Variants in NEO1 observed in about 807,000 individuals in gnomAD.
The protein encoded by NEO1 is neogenin.
NEO1 carries 63 observed loss-of-function variants against 159.7 expected under a neutral mutation model. The observed-to-expected ratio is 0.39, with a 90% CI of 0.32 to 0.49. NEO1 has a LOEUF of 0.49. Ranked by LOEUF, NEO1 falls within the 20% of genes least tolerant of loss-of-function variation. The pLI, the probability that NEO1 is intolerant of heterozygous loss-of-function variation, is 0.85. For synonymous variants in NEO1, 633 were observed against 662.0 expected (o/e 0.96, Z 0.67); for missense variants, 1,615 against 1,831.0 (o/e 0.88, Z 2.15).
chr15:73,068,356 T>A (rs2068343952), intron 1 of NEO1, among the ~76,000 whole-genome samples: 1 of 141,828 alleles, frequency 7.1e-6, no homozygotes, highest in Non-Finnish European at 1.6e-5. Context: ...GGATTACAGG[T>A]GTGCACAACC....
rs775343460 is a variant in NEO1 at position 73,249,532 on chromosome 15, C to T, written c.1756-51C>T. On this transcript the variant is annotated intron_variant, in intron 10 of 28. Transcript: ENST00000261908. ...GTGTAGCTAATTCTTTAATTTTCAA[C>T]TTTTCTTTTGGCTTGAGTGCATATG... 1.2e-5 allele frequency: 18 copies of T among 1,516,142 alleles called. 1 individual carries two copies. The South Asian group carries it at 2.3e-4, about 19-fold the overall frequency. The allele number at this position is 1,516,142 out of a possible 1,614,324, so 93.9% of individuals were successfully genotyped here. A position where few individuals can be genotyped will look rare whatever the true frequency, so the allele number is the denominator to read the frequency against.
chr15:73,177,296 A>G (rs1051871164), intron 6 of NEO1, among the ~76,000 whole-genome samples: 1 of 152,144 alleles, frequency 6.6e-6, no homozygotes, highest in African/African-American at 2.4e-5. Context: ...TCTATACATG[A>G]CATTCATAAA....
rs1223952161 is a variant in NEO1 at position 73,207,952 on chromosome 15, C to T, written c.1292-28395C>T. 3.9e-5 allele frequency among the ~76,000 whole-genome samples: 6 copies of T among 152,244 alleles called. No individual in the cohort carries two copies. In the East Asian group the frequency reaches 1.2e-3, roughly 29 times the overall value. ...AGTTTTAGAACTAATTAGATAGAGGCTTCTCATTATACTTACGTCAATAAA... is the reference window on the plus strand; with the variant it reads ...AGTTTTAGAACTAATTAGATAGAGGTTTCTCATTATACTTACGTCAATAAA... On this transcript the variant is annotated intron_variant, in intron 7 of 28. Coordinates refer to ENST00000261908, the MANE Select transcript of NEO1 (RefSeq NM_002499.4).
At chr15:73,073,731 G>A (rs1447223315) in intron 1 of NEO1, among the ~76,000 whole-genome samples, 1 of 152,108 alleles carries the variant, frequency 6.6e-6, no homozygotes, top group Admixed American at 6.6e-5. Flanking sequence ...GCAGGAAATG[G>A]TTTTCAGGAG....
chr15:73,292,733 C>T (rs2042206101), intron 25 of NEO1, among the ~76,000 whole-genome samples: 2 of 152,198 alleles, frequency 1.3e-5, no homozygotes, highest in African/African-American at 4.8e-5. Context: ...AGACTGGAAG[C>T]AGTAAAAGAT....
intron 1 of NEO1, among the ~76,000 whole-genome samples, chr15:73,099,384 A>G (rs1429106066): frequency 2.6e-5 from 4 of 152,220 alleles, no homozygotes; most frequent in Non-Finnish European, 5.9e-5. Context: ...GCACAGTTGA[A>G]TAGAAGAATT....
At chr15:73,239,261 T>G (rs2039367276) in intron 8 of NEO1, among the ~76,000 whole-genome samples, 1 of 152,192 alleles carries the variant, frequency 6.6e-6, no homozygotes. Context: ...CAGTATAAAT[T>G]AGAATAGTCT....
chr15:73,201,774 T>G (rs940299974), intron 7 of NEO1, among the ~76,000 whole-genome samples: 1 of 152,164 alleles, frequency 6.6e-6, no homozygotes, highest in Admixed American at 6.5e-5. Context: ...AGGATTGTTA[T>G]GTCTTCTTGG....
chr15:73,277,236 C>G (rs1359377926), intron 21 of NEO1, among the ~76,000 whole-genome samples: 1 of 152,194 alleles, frequency 6.6e-6, no homozygotes, highest in African/African-American at 2.4e-5. Flanking sequence ...TTTCAGACCT[C>G]TTTTTCAGGA....
chr15:73,073,052 G>A (rs1023273218), intron 1 of NEO1, among the ~76,000 whole-genome samples: 3 of 152,108 alleles, frequency 2.0e-5, no homozygotes, highest in African/African-American at 7.2e-5. Context: ...TGATATCCAG[G>A]GGCAGCATTA....
At chr15:73,095,671 TTG>T (rs1308229404) in intron 1 of NEO1, among the ~76,000 whole-genome samples, 2 of 105,054 alleles carry the variant, frequency 1.9e-5, no homozygotes, top group East Asian at 4.4e-4. Context: ...TAGTCTTTAT[TTG>T]TTTTTTTTTT....
At chr15:73,278,052 TAAAACA>T in intron 21 of NEO1, 73 bp from the exon 22 acceptor site, 1 of 1,294,896 alleles carries the variant, frequency 7.7e-7, no homozygotes, top group Admixed American at 2.0e-5. Context: ...GTTTTTTGTT[TAAAACA>T]CTCCCTAGCT....
chr15:73,114,623 A>G (rs899531329), intron 1 of NEO1, among the ~76,000 whole-genome samples: 1 of 152,216 alleles, frequency 6.6e-6, no homozygotes, highest in Non-Finnish European at 1.5e-5. Context: ...TTAAACTGCG[A>G]AACATTTAAA....
At chr15:73,137,209 C>T (rs547004781) in intron 5 of NEO1, among the ~76,000 whole-genome samples, 1 of 151,970 alleles carries the variant, frequency 6.6e-6, no homozygotes, top group Non-Finnish European at 1.5e-5. Context: ...GATTGGCAAC[C>T]AAGTGAATAA....
In NEO1 at chr15:73,249,589, G is replaced by A; in HGVS notation, c.1762G>A (p.Asp588Asn). ...EKGTDKEQDV[D>N]VSSHSYTING... ...GTGTTTTATTTTATTCAAGGATGTT[G>A]ATGTTTCAAGTCACTCTTACACCAT... The change falls in exon 11 of 29, where the codon GAT (aspartate) becomes AAT (asparagine). Residue 588 changes from aspartate to asparagine, a missense_variant. Transcript: ENST00000261908. 2 of 1,598,762 alleles carry A rather than the reference G, an allele frequency of 1.3e-6. No individual in the cohort carries two copies. The highest frequency in any genetic ancestry group is 1.1e-5 in the South Asian group (1 of 87,678).
intron 1 of NEO1, among the ~76,000 whole-genome samples, chr15:73,054,062 T>G (rs1038802662): frequency 2.6e-5 from 4 of 152,210 alleles, no homozygotes; most frequent in African/African-American, 9.7e-5. Flanking sequence ...TAATGTCAAA[T>G]TAAACATCAC....
intron 7 of NEO1, among the ~76,000 whole-genome samples, chr15:73,212,475 C>T (rs1447794323): frequency 6.6e-6 from 1 of 152,138 alleles, no homozygotes; most frequent in Non-Finnish European, 1.5e-5. Context: ...GTTTGTGTTC[C>T]TATTTCTTGT....
intron 5 of NEO1, among the ~76,000 whole-genome samples, chr15:73,163,339 C>T (rs1295597721): frequency 6.6e-6 from 1 of 151,976 alleles, no homozygotes; most frequent in African/African-American, 2.4e-5. Context: ...AGAATCAAAC[C>T]GTATCAACAA....
In NEO1 at chr15:73,249,672, T is replaced by C. The variant is rs763747183; in HGVS notation, c.1845T>C (p.His615=). 3.7e-6 allele frequency: 6 copies of C among 1,613,906 alleles called. No individual in the cohort carries two copies. In the South Asian group the frequency reaches 5.5e-5, roughly 15 times the overall value. The stretch of plus-strand genomic sequence containing the variant: ...TCCGAGTGGTGGCCTACAATAAACA[T>C]GGTCCTGGAGTTTCCACACCAGATG... The part of the protein sequence containing the change: ...YSFRVVAYNK[H]GPGVSTPDVA... The change falls in exon 11 of 29, where the codon CAT becomes CAC. Residue 615 remains histidine (H), a synonymous_variant. Coordinates refer to ENST00000261908, the MANE Select transcript of NEO1 (RefSeq NM_002499.4).
Sources: gnomAD v4.1 joint callset for allele counts (sites outside exome capture counted in the v4.1 genomes callset) on GRCh38, gnomAD v4.1.1 for gene constraint, MANE v1.5 for transcripts, NCBI Gene and HGNC (gene_info 2026-07-23, HGNC 2026-07-21) for gene names.